Variants in TENM1 observed in about 807,000 individuals in gnomAD.
TENM1 encodes teneurin transmembrane protein 1, also known as teneurin-1.
TENM1 carries 35 observed loss-of-function variants against 174.8 expected under a neutral mutation model. That is an observed-to-expected ratio of 0.20 (90% CI 0.15 to 0.27). The LOEUF (loss-of-function observed/expected upper bound fraction) is 0.27. Ranked by LOEUF, TENM1 falls within the 10% of genes least tolerant of loss-of-function variation. TENM1 has a pLI of 1.00. For synonymous variants in TENM1, 781 were observed against 798.7 expected, an observed-to-expected ratio of 0.98 and a Z score of 0.37; for missense variants, 1,633 against 2,130.1, an observed-to-expected ratio of 0.77 and a Z score of 4.59.
chrX:124,587,600 A>T (rs1172529954), intron 11 of TENM1, among the ~76,000 whole-genome samples: 3 of 111,263 alleles, frequency 2.7e-5, no homozygotes, highest in Non-Finnish European at 5.7e-5. Flanking sequence ...AAGAAAACCT[A>T]GGCATTACCA....
chrX:124,849,714 A>T (rs1266334728), intron 3 of TENM1, among the ~76,000 whole-genome samples: 1 of 111,622 alleles, frequency 9.0e-6, no homozygotes, highest in Non-Finnish European at 1.9e-5. Flanking sequence ...TCTGATTCAT[A>T]GCAACTGTGA....
intron 19 of TENM1, among the ~76,000 whole-genome samples, chrX:124,502,630 C>T (rs1387527453): frequency 9.0e-6 from 1 of 111,679 alleles, no homozygotes; most frequent in Non-Finnish European, 1.9e-5. Context: ...AAAAGTTGAC[C>T]TTTTATATCT....
At chrX:124,408,908 G>C (rs2060496751) in intron 25 of TENM1, among the ~76,000 whole-genome samples, 1 of 98,598 alleles carries the variant, frequency 1.0e-5, no homozygotes, top group Non-Finnish European at 2.0e-5. Context: ...CTATGAGTGA[G>C]AACATGCAGT....
At chrX:125,184,166 A>G in the TENM1 span, among the ~76,000 whole-genome samples, 21 of 111,837 alleles carry the variant, frequency 1.9e-4, no homozygotes, top group African/African-American at 6.5e-4. Flanking sequence ...TTATTTTTAT[A>G]AGTGTGCATT....
At chrX:124,662,878 G>C (rs897084616) in intron 6 of TENM1, among the ~76,000 whole-genome samples, 13 of 112,024 alleles carry the variant, frequency 1.2e-4, no homozygotes, top group African/African-American at 4.2e-4. Context: ...GTTTCTTCCA[G>C]CTCTCCTATG....
chrX:124,629,512 C>T (rs1278951450), intron 11 of TENM1, among the ~76,000 whole-genome samples: 1 of 112,488 alleles, frequency 8.9e-6, no homozygotes, highest in African/African-American at 3.2e-5. Context: ...ACAATGCCAA[C>T]AATAGCTACA....
At chrX:125,005,826 T>G in the TENM1 span, among the ~76,000 whole-genome samples, 1 of 111,633 alleles carries the variant, frequency 9.0e-6, no homozygotes, top group Admixed American at 9.5e-5. Flanking sequence ...TAAGTGACTG[T>G]GCCACCTACC....
chrX:125,045,837 G>A, the TENM1 span, among the ~76,000 whole-genome samples: 1 of 111,874 alleles, frequency 8.9e-6, no homozygotes. Context: ...GACTCATTCA[G>A]TTTAAGCCAA....
At chrX:124,792,270 G>A (rs1220052772) in intron 3 of TENM1, among the ~76,000 whole-genome samples, 1 of 111,659 alleles carries the variant, frequency 9.0e-6, no homozygotes, top group Non-Finnish European at 1.9e-5. Context: ...GTTCTGTAGT[G>A]AAATTTCCAG....
intron 3 of TENM1, among the ~76,000 whole-genome samples, chrX:124,809,843 G>GGAGGGAGAGA (rs2055711550): frequency 1.3e-5 from 1 of 78,674 alleles, no homozygotes; most frequent in Non-Finnish European, 2.4e-5. Context: ...CATGACAGCA[G>GGAGGGAGAGA]GAGAGAGAGA....
chrX:124,560,282 T>C (rs1337486947), intron 14 of TENM1, among the ~76,000 whole-genome samples: 3 of 107,681 alleles, frequency 2.8e-5, no homozygotes, highest in Non-Finnish European at 5.8e-5. Flanking sequence ...TTGAACTATC[T>C]CATTTAATAC....
At chrX:125,091,460 A>G in the TENM1 span, among the ~76,000 whole-genome samples, 2 of 111,676 alleles carry the variant, frequency 1.8e-5, no homozygotes, top group Non-Finnish European at 3.8e-5. Context: ...GGACACCTCA[A>G]ATTGCAGCAT....
intron 11 of TENM1, among the ~76,000 whole-genome samples, chrX:124,587,067 T>C (rs1214385531): frequency 7.4e-5 from 8 of 108,004 alleles, no homozygotes; most frequent in Non-Finnish European, 1.2e-4. Context: ...GAACATTCCA[T>C]GCTCATGGGT....
the TENM1 span, among the ~76,000 whole-genome samples, chrX:125,109,999 G>A: frequency 9.0e-6 from 1 of 111,426 alleles, no homozygotes; most frequent in South Asian, 3.8e-4. Flanking sequence ...TTTGGACTGG[G>A]GAAGGAAAGG....
chrX:125,186,725 G>A, the TENM1 span, among the ~76,000 whole-genome samples: 1 of 111,020 alleles, frequency 9.0e-6, no homozygotes, highest in Admixed American at 9.6e-5. Flanking sequence ...TTTCTTTAAA[G>A]CCTGCAGAAC....
intron 27 of TENM1, among the ~76,000 whole-genome samples, chrX:124,402,250 T>C (rs1431315586): frequency 8.9e-6 from 1 of 112,200 alleles, no homozygotes; most frequent in Admixed American, 9.4e-5. Context: ...TAAACATATG[T>C]AAATGATTGT....
chrX:124,996,706 T>C, the TENM1 span, among the ~76,000 whole-genome samples: 2 of 110,861 alleles, frequency 1.8e-5, no homozygotes, highest in African/African-American at 6.5e-5. Context: ...ATAAGCAATT[T>C]CGAAGGTACA....
intron 5 of TENM1, among the ~76,000 whole-genome samples, chrX:124,674,783 C>G (rs1055956643): frequency 1.1e-4 from 12 of 111,234 alleles, no homozygotes; most frequent in African/African-American, 3.9e-4. Flanking sequence ...TTGGTCTACT[C>G]TGCCTCCCAA....
chrX:125,114,649 A>G, the TENM1 span, among the ~76,000 whole-genome samples: 1 of 111,576 alleles, frequency 9.0e-6, no homozygotes, highest in Non-Finnish European at 1.9e-5. Flanking sequence ...GAAGAAATGG[A>G]TAAGTTCCTG....
Sources: allele counts gnomAD v4.1 joint callset (sites outside exome capture counted in the v4.1 genomes callset), GRCh38; gene constraint gnomAD v4.1.1; transcripts MANE v1.5; gene names NCBI Gene and HGNC (gene_info 2026-07-23, HGNC 2026-07-21).